FLYWCH1: variants seen among roughly 807,000 people sequenced by gnomAD.
The protein encoded by FLYWCH1 is FLYWCH-type zinc finger 1.
In FLYWCH1, 75 loss-of-function variants were observed where a neutral mutation model predicts 66.4. That is an observed-to-expected ratio of 1.13 (90% CI 0.94 to 1.37). FLYWCH1 has a LOEUF of 1.37. FLYWCH1 is among the 40% of genes most tolerant of loss of function. The pLI, the probability that FLYWCH1 is intolerant of heterozygous loss-of-function variation, is 0.00. For synonymous variants in FLYWCH1, 595 were observed against 429.9 expected, an observed-to-expected ratio of 1.38 and a Z score of -4.75; for missense variants, 1,334 against 1,001.8, an observed-to-expected ratio of 1.33 and a Z score of -4.48.
intron 7 of FLYWCH1, among the ~76,000 whole-genome samples, chr16:2,937,899 C>CCT (rs2071084389): frequency 6.6e-6 from 1 of 152,172 alleles, no homozygotes; most frequent in Admixed American, 6.5e-5. Flanking sequence ...GGGGGATGCA[C>CCT]CTGCAAGCAT....
At chr16:2,940,161 A>G in intron 9 of FLYWCH1, 69 bp downstream of exon 9, 2 of 776,662 alleles carry the variant, frequency 2.6e-6, no homozygotes, top group Non-Finnish European at 4.5e-6. Flanking sequence ...AAAACAACAA[A>G]TATTTGCTGT....
chr16:2,916,481 C>T (rs2070171900), intron 2 of FLYWCH1, among the ~76,000 whole-genome samples: 3 of 151,630 alleles, frequency 2.0e-5, no homozygotes. Flanking sequence ...TAACAAAATA[C>T]AAAAAATTAT....
chr16:2,931,257 C>A (rs565407622), intron 4 of FLYWCH1, among the ~76,000 whole-genome samples: 1 of 141,728 alleles, frequency 7.1e-6, no homozygotes, highest in Non-Finnish European at 1.5e-5. Flanking sequence ...AAGCCCAGAT[C>A]GCTCCACTGT....
chr16:2,914,759 G>A (rs1219738293), intron 2 of FLYWCH1, among the ~76,000 whole-genome samples: 1 of 151,868 alleles, frequency 6.6e-6, no homozygotes, highest in Non-Finnish European at 1.5e-5. Context: ...AATTTAGCTG[G>A]GCGTGGTGGC....
At chr16:2,916,358 G>A (rs8056497) in intron 2 of FLYWCH1, among the ~76,000 whole-genome samples, 128,980 of 151,790 alleles carry the variant, frequency 0.85, 55,068 homozygotes, top group Non-Finnish European at 0.87. Context: ...AATACAGGCC[G>A]GGTGTGGTGG....
At chr16:2,935,187 T>G (rs1029353004) in intron 6 of FLYWCH1, 3 of 152,798 alleles carry the variant, frequency 2.0e-5, no homozygotes, top group African/African-American at 7.2e-5. Flanking sequence ...CCTCCCAAAG[T>G]GCTGGGATTA....
chr16:2,917,978 C>T (rs550915574), intron 2 of FLYWCH1, among the ~76,000 whole-genome samples: 2 of 151,910 alleles, frequency 1.3e-5, no homozygotes, highest in African/African-American at 2.4e-5. Flanking sequence ...GCTGGGATTA[C>T]AGGCGCCCGC....
chr16:2,930,879 G>T lies in FLYWCH1; in HGVS notation c.795G>T (p.Leu265=). The T allele has an allele frequency of 6.3e-7, 1 of 1,585,626 alleles. No homozygotes were observed. The highest frequency in any genetic ancestry group is 2.3e-5 in the East Asian group (1 of 43,796). ...CCAAGAAGCGCTCGATCCTGGGGCT[G>T]GGTGAGTACAATCCACTCCCCTGCT... ...LPPKKRSILG[L]GQARPLEFLR... is the part of the protein sequence containing the mutation. The change falls in exon 4 of 10, where the codon CTG becomes CTT. Residue 265 remains leucine (L), a splice_region_variant and synonymous_variant. Coordinates refer to ENST00000253928, the MANE Select transcript of FLYWCH1 (RefSeq NM_001308068.2).
At chr16:2,933,010 C>T (rs1320046602) in intron 4 of FLYWCH1, 120 bp from the exon 5 acceptor site, 4 of 879,918 alleles carry the variant, frequency 4.5e-6, no homozygotes. Context: ...CTCAGGAAGC[C>T]AGGGTAAATT....
intron 3 of FLYWCH1, 112 bp downstream of exon 3, chr16:2,930,122 C>A (rs2070709818): frequency 3.0e-6 from 3 of 987,730 alleles, no homozygotes; most frequent in African/African-American, 1.6e-5. Context: ...CCAAGCTCAG[C>A]CTCTTGGTCT....
rs565877420 is a variant in FLYWCH1, at chr16:2,921,253, T to C, written c.-74+6964T>C. 5.3e-5 allele frequency among the ~76,000 whole-genome samples: 8 copies of C among 152,338 alleles called. No individual in the cohort carries two copies. In the East Asian group the frequency reaches 1.3e-3, roughly 26 times the overall value. ...TAATATATTCAGAAAGCTGTCCAAGTATCACCACCATCAATTTTAGGACTT... is the reference window on the plus strand; with the variant it reads ...TAATATATTCAGAAAGCTGTCCAAGCATCACCACCATCAATTTTAGGACTT... On this transcript the variant is annotated intron_variant, in intron 2 of 9. Transcript: ENST00000253928.
In FLYWCH1 at chr16:2,948,768, T is replaced by TC. The variant is rs2151038325; in HGVS notation, c.*41_*42insC. On this transcript the variant is annotated 3_prime_UTR_variant, in exon 10 of 10. Transcript: ENST00000253928. ...GGAGCTCCGAGCCGCCCACCCAAGG[T>TC]GGCTTCACATCCACACAGGCACTTC... 1 of 1,599,894 alleles carries TC rather than the reference T, an allele frequency of 6.3e-7. No individual in the cohort carries two copies. Among genetic ancestry groups the TC allele is most frequent in the East Asian group, 2.2e-5 (1 of 44,834 alleles).
Position 2,929,983 on chromosome 16 carries a change from G to T in FLYWCH1, c.298G>T (p.Glu100Ter). The change falls in exon 3 of 10, where the codon GAA becomes TAA. Residue 100 changes from glutamate to a stop codon, truncating the protein, a stop_gained. Transcript: ENST00000253928. LOFTEE classifies it high-confidence loss of function. ...GGTCCAGCCAGCCCTAGAGATGCCTGAACAGAAGTGCAGCAAGCTGGATGC... is the reference window on the plus strand; with the variant it reads ...GGTCCAGCCAGCCCTAGAGATGCCTTAACAGAAGTGCAGCAAGCTGGATGC... ...GVVQPALEMPEQKCSKLDAAA... is the reference protein window; with the variant it reads ...GVVQPALEMP The T allele has an allele frequency of 6.2e-7, 1 of 1,608,030 alleles. No homozygotes were observed. Among genetic ancestry groups the T allele is most frequent in the South Asian group, 1.1e-5 (1 of 91,000 alleles).
At position 2,930,407 on chromosome 16, in the gene FLYWCH1, C is replaced by A; in HGVS notation, c.326-3C>A. On this transcript the variant is annotated splice_polypyrimidine_tract_variant and splice_region_variant and intron_variant, in intron 3 of 9. Coordinates refer to ENST00000253928, the MANE Select transcript of FLYWCH1 (RefSeq NM_001308068.2). Reference sequence around the variant, plus strand: ...AGCTAACCTAGCCTTCCCGTTCCCCCAGCAGCCCCTCAGTCCCTGGAGTTC... The same window carrying A: ...AGCTAACCTAGCCTTCCCGTTCCCCAAGCAGCCCCTCAGTCCCTGGAGTTC... The A allele has an allele frequency of 6.9e-7, 1 of 1,447,812 alleles. No individual in the cohort carries two copies. Among genetic ancestry groups the A allele is most frequent in the Non-Finnish European group, 9.1e-7 (1 of 1,097,356 alleles). The allele number at this position is 1,447,812 out of a possible 1,614,324, so 89.7% of individuals were successfully genotyped here. A position where few individuals can be genotyped will look rare whatever the true frequency, so the allele number is the denominator to read the frequency against.
chr16:2,939,009 G>C (rs2071147072), intron 8 of FLYWCH1, among the ~76,000 whole-genome samples: 1 of 150,292 alleles, frequency 6.7e-6, no homozygotes, highest in South Asian at 2.1e-4. Context: ...CTGGGTTCAA[G>C]TGATTCTCCT....
intron 8 of FLYWCH1, among the ~76,000 whole-genome samples, chr16:2,939,318 G>T (rs1225780382): frequency 2.0e-5 from 3 of 152,022 alleles, no homozygotes; most frequent in Non-Finnish European, 4.4e-5. Flanking sequence ...GGTGACGCAT[G>T]CCTGTAATCC....
In FLYWCH1 at chr16:2,930,870, C is replaced by T. The variant is rs770686853; in HGVS notation, c.786C>T (p.Ile262=). The change falls in exon 4 of 10, where the codon ATC becomes ATT. Residue 262 remains isoleucine (I), a synonymous_variant. Transcript: ENST00000253928. The part of the protein sequence containing the change: ...LLSLPPKKRS[I]LGLGQARPLE... ...GCCTGCCGCCCAAGAAGCGCTCGATCCTGGGGCTGGGTGAGTACAATCCAC... is the reference window on the plus strand; with the variant it reads ...GCCTGCCGCCCAAGAAGCGCTCGATTCTGGGGCTGGGTGAGTACAATCCAC... The T allele has an allele frequency of 6.3e-7, 1 of 1,592,720 alleles. No homozygotes were observed. Among genetic ancestry groups the T allele is most frequent in the East Asian group, 2.3e-5 (1 of 44,284 alleles).
At chr16:2,930,119 C>G (rs906716982) in intron 3 of FLYWCH1, 109 bp downstream of exon 3, 1 of 1,019,002 alleles carries the variant, frequency 9.8e-7, no homozygotes, top group Non-Finnish European at 1.4e-6. Context: ...GCTCCAAGCT[C>G]AGCCTCTTGG....
intron 6 of FLYWCH1, chr16:2,936,855 T>A (rs1436200667): frequency 2.5e-5 from 16 of 633,324 alleles, no homozygotes; most frequent in Non-Finnish European, 4.1e-5. Flanking sequence ...CAGCAGACAC[T>A]GCCTCCCTGA....
Sources: allele counts gnomAD v4.1 joint callset (sites outside exome capture counted in the v4.1 genomes callset), GRCh38; gene constraint gnomAD v4.1.1; transcripts MANE v1.5; gene names NCBI Gene and HGNC (gene_info 2026-07-23, HGNC 2026-07-21).